Variants in PPHLN1 observed in about 807,000 individuals in gnomAD.
PPHLN1 encodes the protein periphilin 1.
PPHLN1 carries 29 observed loss-of-function variants against 51.3 expected under a neutral mutation model. The ratio of observed to expected loss-of-function variants is 0.57; its 90% CI spans 0.42 to 0.77. The LOEUF is 0.77. Among genes scored for constraint, PPHLN1 ranks in the 30% least tolerant of loss-of-function variants. PPHLN1 has a pLI of 0.00. For missense variants in PPHLN1, 436 were observed against 438.4 expected (o/e 0.99, Z 0.05); for synonymous variants, 147 against 147.8 (o/e 0.99, Z 0.04).
chr12:42,334,434 C>T (rs1565731439), intron 1 of PPHLN1, among the ~76,000 whole-genome samples: 1 of 152,032 alleles, frequency 6.6e-6, no homozygotes, highest in Non-Finnish European at 1.5e-5. Context: ...AAATTGGTTG[C>T]TTTGCTATAA....
At chr12:42,399,048 A>C in intron 9 of PPHLN1, 54 bp downstream of exon 9, 1 of 1,589,536 alleles carries the variant, frequency 6.3e-7, no homozygotes, top group Non-Finnish European at 8.6e-7. Context: ...TGCTTTGCAC[A>C]TGTAAACATT....
At chr12:42,359,581 GCTGTTCT>G (rs2074400432) in intron 4 of PPHLN1, 2 of 152,164 alleles carry the variant, frequency 1.3e-5, no homozygotes, top group Admixed American at 1.3e-4. Context: ...GCTTCTGTAA[GCTGTTCT>G]CTGTATCAGG....
At chr12:42,336,392 G>A (rs1592189204) in intron 2 of PPHLN1, among the ~76,000 whole-genome samples, 1 of 152,236 alleles carries the variant, frequency 6.6e-6, no homozygotes, top group East Asian at 1.9e-4. Context: ...CATTCTAAGA[G>A]AGGAGAACTC....
intron 3 of PPHLN1, among the ~76,000 whole-genome samples, chr12:42,354,024 T>C (rs1171362519): frequency 6.6e-6 from 1 of 152,178 alleles, no homozygotes; most frequent in Non-Finnish European, 1.5e-5. Flanking sequence ...TAATGCAGAT[T>C]ACTTGATTTA....
At chr12:42,409,251 A>G (rs1484439221) in intron 9 of PPHLN1, among the ~76,000 whole-genome samples, 1 of 151,940 alleles carries the variant, frequency 6.6e-6, no homozygotes. Flanking sequence ...ATTAAAACCA[A>G]AAAAAATGGA....
chr12:42,387,686 G>A, intron 7 of PPHLN1, 151 bp downstream of exon 7: 1 of 917,370 alleles, frequency 1.1e-6, no homozygotes, highest in Non-Finnish European at 1.6e-6. Context: ...GGTGGCTCAT[G>A]CCTGTAATCC....
In PPHLN1 at chr12:42,326,980, A is replaced by G. The variant is rs2068881350; in HGVS notation, c.-21+751A>G. Among the ~76,000 whole-genome samples, 6 of 152,194 alleles carry G rather than the reference A, an allele frequency of 3.9e-5. No homozygotes were observed. In the South Asian group the frequency reaches 1.0e-3, roughly 26 times the overall value. On this transcript the variant is annotated intron_variant, in intron 1 of 9. Transcript: ENST00000358314. ...TTCTATAGAGACGGAAGTACAATCC[A>G]TCCAGGGCGCAGCTGAATTTTGAGA...
Position 42,374,876 on chromosome 12 carries a change from G to A in PPHLN1, c.313G>A (p.Gly105Ser), listed in dbSNP as rs745817375. The A allele has an allele frequency of 3.8e-6, 6 of 1,597,046 alleles. No homozygotes were observed. The highest frequency in any genetic ancestry group is 5.1e-6 in the Non-Finnish European group (6 of 1,168,718). Residue 105 changes from glycine to serine, a missense_variant, in exon 5 of 10, where the codon GGC (glycine) becomes AGC (serine). Gly to Ser is a moderately conservative substitution (Grantham distance 56). Transcript: ENST00000358314. ...TTTTTTTCAAAGGGACATGAGAGAT[G>A]GCTTTAGAAGAAAAAGTTTCTACTC... ...RQPEYRDMRD[G>S]FRRKSFYSSH...
intron 9 of PPHLN1, chr12:42,431,841 C>T: frequency 6.6e-7 from 1 of 1,518,954 alleles, no homozygotes; most frequent in Non-Finnish European, 9.1e-7. Flanking sequence ...TTTTGCCTAG[C>T]CCATTTTCAA....
At chr12:42,363,934 A>T (rs562681908) in intron 4 of PPHLN1, among the ~76,000 whole-genome samples, 47 of 152,090 alleles carry the variant, frequency 3.1e-4, no homozygotes, top group Non-Finnish European at 5.1e-4. Context: ...CTTATAATAA[A>T]CCTTAGCGGT....
chr12:42,405,364 G>A (rs2079197990), intron 9 of PPHLN1, among the ~76,000 whole-genome samples: 2 of 152,160 alleles, frequency 1.3e-5, no homozygotes, highest in Non-Finnish European at 2.9e-5. Flanking sequence ...GCACTTGAGT[G>A]CTGACTACAA....
At chr12:42,351,690 C>T (rs1015254453) in intron 2 of PPHLN1, among the ~76,000 whole-genome samples, 195 bp from the exon 3 acceptor site, 2 of 152,116 alleles carry the variant, frequency 1.3e-5, no homozygotes, top group Admixed American at 6.5e-5. Context: ...TGGCTTTCTT[C>T]GTTGAACAAC....
rs528012707 is a variant in PPHLN1, at chr12:42,336,049, A to G, written c.72+75A>G. 6.5e-6 allele frequency: 6 copies of G among 926,498 alleles called. No homozygotes were observed. In the African/African-American group the frequency reaches 6.8e-5, roughly 11 times the overall value. The allele number at this position is 926,498 out of a possible 1,614,324, so 57.4% of individuals were successfully genotyped here. On this transcript the variant is annotated intron_variant, in intron 2 of 9. Coordinates refer to ENST00000358314, the MANE Select transcript of PPHLN1 (RefSeq NM_201439.2). ...AATTTGATACACCAAAGCTAGGCCT[A>G]TTAACAAAATCTTCAAGTGTCAGAA...
chr12:42,415,606 A>C (rs2080306045), intron 9 of PPHLN1, among the ~76,000 whole-genome samples: 1 of 152,168 alleles, frequency 6.6e-6, no homozygotes, highest in Non-Finnish European at 1.5e-5. Flanking sequence ...TGTCATCCCT[A>C]CCAGGCTCTG....
At chr12:42,332,121 T>C (rs1207805802) in intron 1 of PPHLN1, among the ~76,000 whole-genome samples, 1 of 152,142 alleles carries the variant, frequency 6.6e-6, no homozygotes, top group Admixed American at 6.5e-5. Context: ...GGAGGATCAC[T>C]TGAGCCCAGG....
intron 4 of PPHLN1, among the ~76,000 whole-genome samples, chr12:42,360,119 A>AAACAAAAAAAAAAAAAAAAAAAAAAAAG (rs2074473777): frequency 6.7e-6 from 1 of 150,292 alleles, no homozygotes; most frequent in Non-Finnish European, 1.5e-5. Context: ...TCAAAAAAAA[A>AAACAAAAAAAAAAAAAAAAAAAAAAAAG]AAAAGAAAAA....
chr12:42,426,228 A>ACACACACACACACACCCCC (rs371819974), intron 9 of PPHLN1, among the ~76,000 whole-genome samples: 6 of 129,788 alleles, frequency 4.6e-5, no homozygotes, highest in African/African-American at 2.0e-4. Context: ...ACACACACAC[A>ACACACACACACACACCCCC]CCCTCATGCA....
chr12:42,375,913 T>C (rs1379451702), intron 5 of PPHLN1, among the ~76,000 whole-genome samples: 1 of 152,210 alleles, frequency 6.6e-6, no homozygotes, highest in Admixed American at 6.5e-5. Flanking sequence ...TGTGTTAATA[T>C]TATACAATGA....
At chr12:42,350,493 G>A (rs2073158788) in intron 2 of PPHLN1, among the ~76,000 whole-genome samples, 1 of 151,592 alleles carries the variant, frequency 6.6e-6, no homozygotes, top group Non-Finnish European at 1.5e-5. Context: ...GGGCGACTGG[G>A]CAGAGGGGCT....
Sources: allele counts gnomAD v4.1 joint callset (sites outside exome capture counted in the v4.1 genomes callset), GRCh38; gene constraint gnomAD v4.1.1; transcripts MANE v1.5; gene names NCBI Gene and HGNC (gene_info 2026-07-23, HGNC 2026-07-21).